The following PLB1 variants were observed in gnomAD, a reference collection of about 807,000 sequenced individuals.
The protein encoded by PLB1 is phospholipase B1, membrane-associated.
Under a neutral mutation model 227.4 loss-of-function variants are expected in PLB1, and 242 were observed. The observed-to-expected ratio is 1.06, with a 90% CI of 0.96 to 1.18. PLB1 has a LOEUF of 1.18. PLB1 is among the 50% of genes most tolerant of loss of function. PLB1 has a pLI of 0.00. For synonymous variants in PLB1, 757 were observed against 682.2 expected (o/e 1.11, Z -1.71); for missense variants, 1,858 against 1,816.3 (o/e 1.02, Z -0.42).
chr2:28,523,335 G>GTT (rs199936505), intron 4 of PLB1, among the ~76,000 whole-genome samples: 1,757 of 116,802 alleles, frequency 0.015, 32 homozygotes, highest in East Asian at 0.034. Context: ...TATCTGCGAG[G>GTT]TTTTTTTTTT....
chr2:28,584,058 C>G (rs1234796874), intron 25 of PLB1, among the ~76,000 whole-genome samples: 3 of 152,134 alleles, frequency 2.0e-5, no homozygotes, highest in Non-Finnish European at 2.9e-5. Context: ...CTACCCTGCC[C>G]CCCAGCTCTG....
chr2:28,587,075 C>T (rs1681021293), intron 26 of PLB1, among the ~76,000 whole-genome samples: 1 of 152,202 alleles, frequency 6.6e-6, no homozygotes, highest in Admixed American at 6.5e-5. Flanking sequence ...TGAGCAGGCA[C>T]CTGTGACTCT....
intron 17 of PLB1, among the ~76,000 whole-genome samples, chr2:28,557,359 T>A (rs1191206016): frequency 1.3e-5 from 2 of 152,172 alleles, no homozygotes; most frequent in Admixed American, 1.3e-4. Flanking sequence ...GTTCCAATCT[T>A]GAGGCAGCTG....
At chr2:28,587,102 G>A (rs1681028271) in intron 26 of PLB1, among the ~76,000 whole-genome samples, 1 of 152,194 alleles carries the variant, frequency 6.6e-6, no homozygotes, top group Non-Finnish European at 1.5e-5. Flanking sequence ...GAAGTCCCTG[G>A]CCCACATCAG....
At chr2:28,614,230 C>T in intron 44 of PLB1, 134 bp downstream of exon 44, 1 of 908,482 alleles carries the variant, frequency 1.1e-6, no homozygotes, top group Non-Finnish European at 1.8e-6. Context: ...TTGGAATGTA[C>T]AGAAAAGGCT....
In PLB1 at chr2:28,581,489, ATAAATAAAT is replaced by A. The variant is rs1157987446; in HGVS notation, c.1567-578_1567-570del. On this transcript the variant is annotated intron_variant, in intron 23 of 57. Transcript: ENST00000327757. Reference sequence around the variant, plus strand: ...TAGATCCAGAGCTCCACGCAAAAAAATAAATAAATAAATAAATAAATAAATAAATAAATA... The same window carrying A: ...TAGATCCAGAGCTCCACGCAAAAAAAAAATAAATAAATAAATAAATAAATA... 9.9e-5 allele frequency among the ~76,000 whole-genome samples: 6 copies of A among 60,548 alleles called. 1 individual carries two copies. The highest frequency in any genetic ancestry group is 2.6e-4 in the African/African-American group (6 of 23,204). 39.7% of individuals were successfully genotyped at this position (60,548 alleles called of 152,430 possible).
At chr2:28,633,865 T>G (rs988633553) in intron 56 of PLB1, among the ~76,000 whole-genome samples, 2 of 152,226 alleles carry the variant, frequency 1.3e-5, no homozygotes, top group Non-Finnish European at 2.9e-5. Context: ...CCAACCTGTA[T>G]GTTCCCTCCT....
chr2:28,601,868 C>CCTCCTTTTCCTCCTTCCTGT, intron 37 of PLB1, 31 bp from the exon 38 acceptor site: 3 of 1,536,762 alleles, frequency 2.0e-6, no homozygotes, highest in African/African-American at 2.7e-5. Context: ...CTAACCAGTT[C>CCTCCTTTTCCTCCTTCCTGT]CTCCTTTTCC....
chr2:28,632,766 A>G (rs1052001980), intron 55 of PLB1, among the ~76,000 whole-genome samples, 178 bp from the exon 56 acceptor site: 6 of 149,886 alleles, frequency 4.0e-5, no homozygotes, highest in Non-Finnish European at 7.4e-5. Context: ...AAAAAAAAAG[A>G]AAAAAGAAAA....
chr2:28,548,773 T>C, intron 14 of PLB1, 87 bp from the exon 15 acceptor site: 1 of 1,286,928 alleles, frequency 7.8e-7, no homozygotes, highest in South Asian at 1.2e-5. Context: ...GTACTGCTGC[T>C]GGACTAATGA....
intron 21 of PLB1, among the ~76,000 whole-genome samples, chr2:28,574,760 A>G (rs1678647372): frequency 1.3e-5 from 2 of 152,122 alleles, no homozygotes; most frequent in South Asian, 2.1e-4. Flanking sequence ...AAGTGAGAAC[A>G]TACAATATGT....
intron 33 of PLB1, chr2:28,595,426 G>GA (rs1195746597): frequency 1.3e-5 from 2 of 152,140 alleles, no homozygotes; most frequent in African/African-American, 4.8e-5. Flanking sequence ...GTGTTCCATG[G>GA]AACATTAACT....
At chr2:28,517,310 C>T (rs575531094) in intron 2 of PLB1, among the ~76,000 whole-genome samples, 1 of 152,314 alleles carries the variant, frequency 6.6e-6, no homozygotes, top group East Asian at 1.9e-4. Flanking sequence ...ACCTCATTTA[C>T]TGCATGTTTT....
intron 20 of PLB1, 60 bp downstream of exon 20, chr2:28,566,899 T>TC (rs1210436902): frequency 3.5e-5 from 55 of 1,585,380 alleles, no homozygotes; most frequent in Non-Finnish European, 4.5e-5. Context: ...CGCTTCCCGC[T>TC]CCCCCTGCAG....
intron 1 of PLB1, among the ~76,000 whole-genome samples, chr2:28,498,526 A>C (rs1263412340): frequency 6.6e-6 from 1 of 152,106 alleles, no homozygotes; most frequent in African/African-American, 2.4e-5. Flanking sequence ...CTTCTAAAGC[A>C]CTGGGATTAC....
intron 46 of PLB1, chr2:28,618,602 C>G: frequency 3.5e-6 from 2 of 579,612 alleles, no homozygotes; most frequent in Non-Finnish European, 6.1e-6. Flanking sequence ...AAAGCCCCCT[C>G]GTCCATGAGG....
intron 1 of PLB1, among the ~76,000 whole-genome samples, chr2:28,503,771 G>A (rs747337315): frequency 2.6e-5 from 4 of 152,122 alleles, no homozygotes; most frequent in Non-Finnish European, 4.4e-5. Context: ...ACAAATAGAA[G>A]CCACAAAGCC....
chr2:28,582,045 A>G (rs1170809139), intron 23 of PLB1, 23 bp from the exon 24 acceptor site: 33 of 1,604,674 alleles, frequency 2.1e-5, no homozygotes, highest in Non-Finnish European at 2.8e-5. Context: ...ATGGTGTTCA[A>G]GGGACACTTC....
At chr2:28,596,988 GC>G (rs1400256879) in intron 33 of PLB1, among the ~76,000 whole-genome samples, 2 of 152,334 alleles carry the variant, frequency 1.3e-5, no homozygotes, top group East Asian at 3.9e-4. Flanking sequence ...CCTGGGCCAG[GC>G]GCGGTGGCTC....
Sources: gnomAD v4.1 joint callset for allele counts (sites outside exome capture counted in the v4.1 genomes callset) on GRCh38, gnomAD v4.1.1 for gene constraint, MANE v1.5 for transcripts, NCBI Gene and HGNC (gene_info 2026-07-23, HGNC 2026-07-21) for gene names.